Variants in DROSHA observed in about 807,000 individuals in gnomAD.
DROSHA encodes ribonuclease 3.
DROSHA carries 56 observed loss-of-function variants against 181.9 expected under a neutral mutation model. The observed-to-expected ratio is 0.31, with a 90% CI of 0.25 to 0.38. The LOEUF is 0.38. Ranked by LOEUF, DROSHA falls within the 10% of genes least tolerant of loss-of-function variation. DROSHA has a pLI of 1.00. For missense variants in DROSHA, 1,218 were observed against 1,743.5 expected (o/e 0.70, Z 5.37); for synonymous variants, 524 against 591.2 (o/e 0.89, Z 1.65).
At chr5:31,448,260 A>G (rs1746547294) in intron 23 of DROSHA, among the ~76,000 whole-genome samples, 1 of 152,268 alleles carries the variant, frequency 6.6e-6, no homozygotes, top group Non-Finnish European at 1.5e-5. Flanking sequence ...GAACTGATTT[A>G]TATGATGCCT....
intron 11 of DROSHA, among the ~76,000 whole-genome samples, chr5:31,499,125 A>T (rs1753316758): frequency 6.6e-6 from 1 of 152,190 alleles, no homozygotes; most frequent in Non-Finnish European, 1.5e-5. Context: ...TGAGCAAGGC[A>T]GAGGTATAAA....
At chr5:31,529,167 A>C (rs1740930977) in intron 3 of DROSHA, 62 bp from the exon 4 acceptor site, 1 of 1,417,014 alleles carries the variant, frequency 7.1e-7, no homozygotes, top group African/African-American at 1.4e-5. Context: ...ATGCTACAAA[A>C]TATTTCTGCA....
chr5:31,514,805 T>C lies in DROSHA; in HGVS notation c.1290+183A>G, dbSNP rs1739098081. On this transcript the variant is annotated intron_variant, in intron 8 of 35. Coordinates refer to ENST00000344624, the MANE Select transcript of DROSHA (RefSeq NM_001382508.1). This position sits in a 1 kb window ranked among gnomAD's most constrained non-coding sequence, Gnocchi z 4.4. ...ACATTTGGCAATATTTGAAGACATT[T>C]TCGGTAACCACAACTGGGGAGGGGT... Among the ~76,000 whole-genome samples, 2 of 152,198 alleles carry C rather than the reference T, an allele frequency of 1.3e-5. No individual in the cohort carries two copies. The highest frequency in any genetic ancestry group is 4.8e-5 in the African/African-American group (2 of 41,460).
chr5:31,446,174 T>C (rs148642620), intron 23 of DROSHA, among the ~76,000 whole-genome samples: 3,935 of 152,056 alleles, frequency 0.026, 80 homozygotes, highest in Middle Eastern at 0.038. Flanking sequence ...AGGCCGGGCG[T>C]GGTGGCTCAC....
At chr5:31,471,420 T>C (rs1424320670) in intron 17 of DROSHA, among the ~76,000 whole-genome samples, 3 of 152,170 alleles carry the variant, frequency 2.0e-5, no homozygotes, top group East Asian at 3.8e-4. Context: ...GAAAATGTTA[T>C]GTCTTTATAT....
chr5:31,481,492 C>A (rs950477202), intron 16 of DROSHA, among the ~76,000 whole-genome samples: 7 of 152,154 alleles, frequency 4.6e-5, no homozygotes, highest in African/African-American at 1.4e-4. Context: ...GGCTTTTCAG[C>A]AAATTCACTC....
chr5:31,426,865 C>T lies in DROSHA; in HGVS notation c.3217-2394G>A, dbSNP rs149397087. ...GACTGGAGCGGTGGGGGATGGCAGC[C>T]GGTTAGAGTTCAAGTGAGAAATGAG... On this transcript the variant is annotated intron_variant, in intron 27 of 35. Transcript: ENST00000344624. Among the ~76,000 whole-genome samples the T allele has an allele frequency of 3.4e-3, 511 of 151,868 alleles. 4 individuals carry two copies. Among genetic ancestry groups the T allele is most frequent in the African/African-American group, 0.011 (474 of 41,404 alleles).
At chr5:31,439,925 C>G (rs910657287) in intron 23 of DROSHA, among the ~76,000 whole-genome samples, 6 of 152,120 alleles carry the variant, frequency 3.9e-5, no homozygotes, top group Non-Finnish European at 5.9e-5. Flanking sequence ...AGAAGCTGGC[C>G]TCACTAACTA....
chr5:31,454,900 A>T (rs1170229773), intron 20 of DROSHA, among the ~76,000 whole-genome samples: 3 of 143,908 alleles, frequency 2.1e-5, no homozygotes, highest in African/African-American at 7.8e-5. Flanking sequence ...AGATCGTGCC[A>T]CTGCACTCCA....
intron 20 of DROSHA, among the ~76,000 whole-genome samples, chr5:31,460,136 T>C (rs915036673): frequency 1.3e-5 from 2 of 152,222 alleles, no homozygotes; most frequent in Non-Finnish European, 1.5e-5. Context: ...TACTGCAGCA[T>C]GTTGCTTTTC....
chr5:31,422,724 A>T, intron 29 of DROSHA, 63 bp downstream of exon 29: 1 of 1,585,770 alleles, frequency 6.3e-7, no homozygotes, highest in East Asian at 2.3e-5. Context: ...GGCATGCTCC[A>T]AAGGTCTGGG....
At chr5:31,456,392 T>C (rs1021387354) in intron 20 of DROSHA, among the ~76,000 whole-genome samples, 2 of 151,426 alleles carry the variant, frequency 1.3e-5, no homozygotes, top group Non-Finnish European at 1.5e-5. Context: ...CACTTCAAAT[T>C]AGGTGCCAGG....
In DROSHA at chr5:31,400,573, A is replaced by AT. The variant is rs2149980517; in HGVS notation, c.*858dup. On this transcript the variant is annotated 3_prime_UTR_variant, in exon 36 of 36. Transcript: ENST00000344624. ...TTGGAATAACTTTTTTTAAAATGTTATGTCTTTGAATGTCATGTTAGCCTT... is the reference window on the plus strand; with the variant it reads ...TTGGAATAACTTTTTTTAAAATGTTATTGTCTTTGAATGTCATGTTAGCCTT... 1 of 152,356 alleles carries AT rather than the reference A, an allele frequency of 6.6e-6. No individual in the cohort carries two copies. Among genetic ancestry groups the AT allele is most frequent in the South Asian group, 2.1e-4 (1 of 4,830 alleles). The allele number at this position is 152,356 out of a possible 1,614,324, so 9.4% of individuals were successfully genotyped here. A position where few individuals can be genotyped will look rare whatever the true frequency, so the allele number is the denominator to read the frequency against.
chr5:31,443,229 G>A (rs1423234006), intron 23 of DROSHA, among the ~76,000 whole-genome samples: 1 of 151,822 alleles, frequency 6.6e-6, no homozygotes, highest in Non-Finnish European at 1.5e-5. Context: ...TGTTGGCCAG[G>A]CTGGACTTGA....
At chr5:31,421,430 A>G in intron 29 of DROSHA, 53 bp from the exon 30 acceptor site, 1 of 1,377,426 alleles carries the variant, frequency 7.3e-7, no homozygotes, top group Non-Finnish European at 1.0e-6. Context: ...ATGGATTTCC[A>G]AAAAAACACC....
intron 29 of DROSHA, 111 bp downstream of exon 29, chr5:31,422,676 T>C: frequency 7.2e-7 from 1 of 1,381,782 alleles, no homozygotes; most frequent in Non-Finnish European, 9.9e-7. Flanking sequence ...CAATGTGACT[T>C]TCCTGGAAAT....
intron 23 of DROSHA, among the ~76,000 whole-genome samples, chr5:31,444,088 C>T (rs1031704121): frequency 1.3e-5 from 2 of 152,106 alleles, no homozygotes; most frequent in African/African-American, 2.4e-5. Context: ...TACATGGGCA[C>T]GACAGAGGAA....
chr5:31,506,357 C>T (rs1248005544), intron 10 of DROSHA, among the ~76,000 whole-genome samples: 7 of 106,908 alleles, frequency 6.5e-5, no homozygotes, highest in East Asian at 2.5e-4. Flanking sequence ...AGTGAGACCC[C>T]GTCTCAAAAA....
Position 31,437,243 on chromosome 5 carries a change from T to A in DROSHA, c.2938A>T (p.Thr980Ser). The A allele has an allele frequency of 6.4e-7, 1 of 1,573,072 alleles. No individual in the cohort carries two copies. Among genetic ancestry groups the A allele is most frequent in the Non-Finnish European group, 8.6e-7 (1 of 1,157,942 alleles). Residue 980 changes from threonine (T) to serine (S), a missense_variant, in exon 24 of 36, where the codon ACC becomes TCC. This residue lies in a region of DROSHA where 460 missense variants were observed against 774.2 expected (regional missense o/e 0.59). Transcript: ENST00000344624. ...AAAACAAAAAAGCCTAATTACCTGGTCAGAAATTCAACAACAGCATCACCC... is the reference window on the plus strand; with the variant it reads ...AAAACAAAAAAGCCTAATTACCTGGACAGAAATTCAACAACAGCATCACCC... ...FLGDAVVEFL[T>S]SVHLYYLFPS...
Sources: allele counts gnomAD v4.1 joint callset (sites outside exome capture counted in the v4.1 genomes callset), GRCh38; gene constraint gnomAD v4.1.1; regional missense constraint gnomAD v4.1.1; non-coding constraint Gnocchi (gnomAD v3.1); transcripts MANE v1.5; gene names NCBI Gene and HGNC (gene_info 2026-07-23, HGNC 2026-07-21).